Variants in KCNB2 observed in about 807,000 individuals in gnomAD.
KCNB2 encodes potassium voltage-gated channel subfamily B member 2.
In KCNB2, 15 loss-of-function variants were observed where a neutral mutation model predicts 61.5. The ratio of observed to expected loss-of-function variants is 0.24; its 90% CI spans 0.16 to 0.38. KCNB2 has a LOEUF of 0.38. Among genes scored for constraint, KCNB2 ranks in the 10% least tolerant of loss-of-function variants. The pLI is 1.00. For missense variants in KCNB2, 828 were observed against 1,125.2 expected (o/e 0.74, Z 3.78); for synonymous variants, 457 against 446.0 (o/e 1.02, Z -0.31).
At position 72,568,251 on chromosome 8, in the gene KCNB2, C is replaced by T. The variant is rs778886849; in HGVS notation, c.517C>T (p.Pro173Ser). 6.2e-7 allele frequency: 1 copy of T among 1,613,744 alleles called. No homozygotes were observed. The highest frequency in any genetic ancestry group is 1.3e-5 in the African/African-American group (1 of 74,830). ...EGEEFDNTCC[P>S]DKRKKLWDLL... ...AGAAGAGTTTGATAATACCTGCTGCCCTGATAAAAGGAAGAAACTGTGGGA... is the reference window on the plus strand; with the variant it reads ...AGAAGAGTTTGATAATACCTGCTGCTCTGATAAAAGGAAGAAACTGTGGGA... The change falls in exon 2 of 3, where the codon CCT (proline) becomes TCT (serine). Residue 173 changes from proline (P) to serine (S), a missense_variant. Transcript: ENST00000523207.
At chr8:72,916,561 G>A (rs1247735060) in intron 2 of KCNB2, among the ~76,000 whole-genome samples, 5 of 152,324 alleles carry the variant, frequency 3.3e-5, no homozygotes, top group African/African-American at 7.2e-5. Context: ...TTTACTGTCT[G>A]TGGACAGCTT....
intron 2 of KCNB2, among the ~76,000 whole-genome samples, chr8:72,721,963 G>C (rs908727280): frequency 2.0e-5 from 3 of 152,162 alleles, no homozygotes; most frequent in African/African-American, 7.2e-5. Context: ...TTTCTCCATT[G>C]AGAGTCCGTG....
intron 2 of KCNB2, among the ~76,000 whole-genome samples, chr8:72,758,503 T>G (rs1230646892): frequency 6.6e-6 from 1 of 152,212 alleles, no homozygotes; most frequent in Admixed American, 6.5e-5. Context: ...AATGAATGAC[T>G]CACAATTATG....
chr8:72,639,011 G>A (rs976935134), intron 2 of KCNB2, among the ~76,000 whole-genome samples: 7 of 152,116 alleles, frequency 4.6e-5, no homozygotes, highest in African/African-American at 1.2e-4. Flanking sequence ...AGGCACATGC[G>A]GTGTGCTTAA....
Position 72,938,114 on chromosome 8 carries a change from G to GAAAGA in KCNB2, c.*26_*27insGAAAA. The GAAAGA allele has an allele frequency of 1.3e-6, 2 of 1,532,778 alleles. No homozygotes were observed. The highest frequency in any genetic ancestry group is 8.8e-7 in the Non-Finnish European group (1 of 1,131,150). 94.9% of individuals were successfully genotyped at this position (1,532,778 alleles called of 1,614,324 possible). The stretch of plus-strand genomic sequence containing the variant: ...TGACTAGTTACAAAAGCAATAAATT[G>GAAAGA]AAACAAAACAAAACAAAACAAAACT... On this transcript the variant is annotated 3_prime_UTR_variant, in exon 3 of 3. Coordinates refer to ENST00000523207, the MANE Select transcript of KCNB2 (RefSeq NM_004770.3).
At chr8:72,609,095 C>G (rs1805499307) in intron 2 of KCNB2, among the ~76,000 whole-genome samples, 1 of 152,118 alleles carries the variant, frequency 6.6e-6, no homozygotes, top group Non-Finnish European at 1.5e-5. Flanking sequence ...GGTCTAACAC[C>G]TCTTTCATTT....
intron 2 of KCNB2, among the ~76,000 whole-genome samples, chr8:72,932,398 A>G (rs529988949): frequency 2.4e-4 from 36 of 152,240 alleles, no homozygotes; most frequent in Middle Eastern, 3.4e-3. Context: ...CCTAATCTAA[A>G]TGGGTCCAGG....
At chr8:72,575,031 T>G (rs1806773985) in intron 2 of KCNB2, among the ~76,000 whole-genome samples, 1 of 152,188 alleles carries the variant, frequency 6.6e-6, no homozygotes, top group Admixed American at 6.6e-5. Flanking sequence ...ACTTTCCAAA[T>G]GCTAAGAGTT....
chr8:72,838,617 G>T (rs1374491486), intron 2 of KCNB2, among the ~76,000 whole-genome samples: 1 of 152,106 alleles, frequency 6.6e-6, no homozygotes, highest in Non-Finnish European at 1.5e-5. Flanking sequence ...AATCCTTTGG[G>T]TATTTACCCA....
At position 72,605,769 on chromosome 8, in the gene KCNB2, A is replaced by T. The variant is rs1356841999; in HGVS notation, c.579+37456A>T. 2.0e-5 allele frequency among the ~76,000 whole-genome samples: 3 copies of T among 152,322 alleles called. No homozygotes were observed. The East Asian group carries it at 5.8e-4, about 29-fold the overall frequency. ...GATATGTGGTTCAATAAATATTCTA[A>T]TGGTGGCAGGTGAGCATAAATATAG... On this transcript the variant is annotated intron_variant, in intron 2 of 2. Coordinates refer to ENST00000523207, the MANE Select transcript of KCNB2 (RefSeq NM_004770.3).
At chr8:72,675,229 TA>T (rs1401769220) in intron 2 of KCNB2, among the ~76,000 whole-genome samples, 1 of 152,242 alleles carries the variant, frequency 6.6e-6, no homozygotes, top group Non-Finnish European at 1.5e-5. Flanking sequence ...AGAATTTTTT[TA>T]ATCAAAGCTT....
At chr8:72,561,790 C>CATATATATATATATGTATAT (rs1806540023) in intron 1 of KCNB2, among the ~76,000 whole-genome samples, 1 of 40,378 alleles carries the variant, frequency 2.5e-5, no homozygotes, top group African/African-American at 1.2e-4. Context: ...TATATATATA[C>CATATATATATATATGTATAT]ATATATATAT....
chr8:72,822,244 G>T (rs1809524650), intron 2 of KCNB2, among the ~76,000 whole-genome samples: 1 of 152,224 alleles, frequency 6.6e-6, no homozygotes, highest in South Asian at 2.1e-4. Context: ...ATGCTGTAGT[G>T]TTTGCTGGTT....
At chr8:72,656,583 T>C (rs1371323070) in intron 2 of KCNB2, among the ~76,000 whole-genome samples, 1 of 152,188 alleles carries the variant, frequency 6.6e-6, no homozygotes, top group East Asian at 1.9e-4. Flanking sequence ...AGGGCTGTTT[T>C]GTTATATGAA....
chr8:72,542,625 C>CA (rs1806206881), intron 1 of KCNB2, among the ~76,000 whole-genome samples: 1 of 152,098 alleles, frequency 6.6e-6, no homozygotes, highest in Non-Finnish European at 1.5e-5. Context: ...GTGTGAGACT[C>CA]ACTTGAGATA....
intron 2 of KCNB2, among the ~76,000 whole-genome samples, chr8:72,711,331 G>T (rs1028934899): frequency 1.3e-5 from 2 of 152,196 alleles, no homozygotes; most frequent in Non-Finnish European, 2.9e-5. Flanking sequence ...AGAAGTATCT[G>T]TGAGCAGCAC....
chr8:72,701,660 A>G (rs72668188), intron 2 of KCNB2, among the ~76,000 whole-genome samples: 3,517 of 152,278 alleles, frequency 0.023, 66 homozygotes, highest in Non-Finnish European at 0.038. Flanking sequence ...AAGTTATCCT[A>G]AGGAAATAAT....
chr8:72,934,743 A>C (rs1806867722), intron 2 of KCNB2, among the ~76,000 whole-genome samples: 1 of 152,110 alleles, frequency 6.6e-6, no homozygotes, highest in Non-Finnish European at 1.5e-5. Flanking sequence ...AGCCAGACCT[A>C]ACCTAGGTAA....
At chr8:72,587,294 A>T (rs1413777801) in intron 2 of KCNB2, among the ~76,000 whole-genome samples, 3 of 152,166 alleles carry the variant, frequency 2.0e-5, no homozygotes, top group African/African-American at 7.2e-5. Context: ...GACAGGGAGT[A>T]TAGCTCTTAG....
Sources: gnomAD v4.1 joint callset for allele counts (sites outside exome capture counted in the v4.1 genomes callset) on GRCh38, gnomAD v4.1.1 for gene constraint, MANE v1.5 for transcripts, NCBI Gene and HGNC (gene_info 2026-07-23, HGNC 2026-07-21) for gene names.